Variants in CIZ1 observed in about 807,000 individuals in gnomAD.
The protein encoded by CIZ1 is cip1-interacting zinc finger protein.
CIZ1 carries 58 observed loss-of-function variants against 118.6 expected under a neutral mutation model. The observed-to-expected ratio is 0.49, with a 90% CI of 0.40 to 0.61. CIZ1 has a LOEUF of 0.61. Among genes scored for constraint, CIZ1 ranks in the 20% least tolerant of loss-of-function variants. The pLI is 0.00. For synonymous variants in CIZ1, 448 were observed against 443.4 expected, an observed-to-expected ratio of 1.01 and a Z score of -0.13; for missense variants, 921 against 1,115.9, an observed-to-expected ratio of 0.83 and a Z score of 2.49.
In CIZ1 at chr9:128,203,198, G is replaced by C. The variant is rs1357223975; in HGVS notation, c.-6+988C>G. Among the ~76,000 whole-genome samples, 1 of 152,110 alleles carries C rather than the reference G, an allele frequency of 6.6e-6. No homozygotes were observed. Among genetic ancestry groups the C allele is most frequent in the African/African-American group, 2.4e-5 (1 of 41,444 alleles). On this transcript the variant is annotated intron_variant, in intron 1 of 17. Transcript: ENST00000372948. The surrounding 1 kb of genome is among the most constrained non-coding windows in gnomAD (Gnocchi z 5.3). ...CAAATATATTCTGCGCAGCATCCGC[G>C]CACCCCAGACACTGCTAAAGCACCC...
Position 128,190,671 on chromosome 9 carries a change from C to A in CIZ1, c.170+17G>T. The A allele has an allele frequency of 6.5e-7, 1 of 1,549,092 alleles. No homozygotes were observed. The highest frequency in any genetic ancestry group is 1.4e-5 in the African/African-American group (1 of 73,390). The stretch of plus-strand genomic sequence containing the variant: ...AGTAGCAAGGCTGAAGCCATCGCGC[C>A]CGAGAGGGGAACTCACCGGCTGACA... On this transcript the variant is annotated intron_variant, in intron 2 of 16. Transcript: ENST00000372938.
Position 128,169,118 on chromosome 9 carries a change from A to T in CIZ1, c.2229T>A (p.Asp743Glu). The stretch of plus-strand genomic sequence containing the variant: ...CCTCATCATCCTCTTCCTCTTCTTC[A>T]TCACCCTCGAAGCAACCCACAGCGT... ...TVDAVGCFEG[D>E]EEEEEDDEDE... Residue 743 changes from aspartate to glutamate, a missense_variant, in exon 14 of 17, where the codon GAT becomes GAA. Coordinates refer to ENST00000372938, the MANE Select transcript of CIZ1 (RefSeq NM_001131016.2). The T allele has an allele frequency of 6.2e-7, 1 of 1,613,974 alleles. No homozygotes were observed. Among genetic ancestry groups the T allele is most frequent in the Non-Finnish European group, 8.5e-7 (1 of 1,179,962 alleles).
intron 3 of CIZ1, among the ~76,000 whole-genome samples, chr9:128,188,141 A>G (rs1324044356): frequency 5.5e-5 from 8 of 145,526 alleles, no homozygotes; most frequent in Non-Finnish European, 1.2e-4. Flanking sequence ...GGAAAGAGCC[A>G]AACAGCTAAG....
chr9:128,180,306 G>A (rs1177535867), intron 7 of CIZ1, 109 bp downstream of exon 7: 2 of 782,258 alleles, frequency 2.6e-6, no homozygotes, highest in Non-Finnish European at 4.3e-6. Context: ...CCCTTTCCTT[G>A]CTCCAGCTCC....
At chr9:128,186,163 T>C (rs1356954283) in intron 4 of CIZ1, among the ~76,000 whole-genome samples, 1 of 151,928 alleles carries the variant, frequency 6.6e-6, no homozygotes, top group African/African-American at 2.4e-5. Context: ...CCCTACCAGC[T>C]ACCCTTTATC....
At chr9:128,202,695 CCT>C (rs1340846932) in intron 1 of CIZ1, 2 of 152,134 alleles carry the variant, frequency 1.3e-5, no homozygotes, top group Admixed American at 6.6e-5. Context: ...CTTTTTTCAC[CCT>C]GTTTATTTCC....
chr9:128,176,373 C>G lies in CIZ1; in HGVS notation c.1921G>C (p.Asp641His). The change falls in exon 11 of 17, where the codon GAC (aspartate) becomes CAC (histidine). Residue 641 changes from aspartate (D) to histidine (H), a missense_variant. Transcript: ENST00000372938. ...CLLSLLPVPR[D>H]VLETEDEEPP... Reference sequence around the variant, plus strand: ...CACTCATCCTCTGTCTCCAGGACGTCCCGGGGCACGGGCAGCAGGGACAGG... The same window carrying G: ...CACTCATCCTCTGTCTCCAGGACGTGCCGGGGCACGGGCAGCAGGGACAGG... The G allele has an allele frequency of 1.2e-6, 2 of 1,614,078 alleles. No individual in the cohort carries two copies. The highest frequency in any genetic ancestry group is 1.7e-6 in the Non-Finnish European group (2 of 1,179,972).
At position 128,169,151 on chromosome 9, in the gene CIZ1, A is replaced by G. The variant is rs1829810401; in HGVS notation, c.2196T>C (p.Ile732=). 6.2e-7 allele frequency: 1 copy of G among 1,614,074 alleles called. No homozygotes were observed. The highest frequency in any genetic ancestry group is 8.5e-7 in the Non-Finnish European group (1 of 1,180,018). The change falls in exon 14 of 17, where the codon ATT becomes ATC. Residue 732 remains isoleucine, a synonymous_variant. Coordinates refer to ENST00000372938, the MANE Select transcript of CIZ1 (RefSeq NM_001131016.2). ...EIAGQDEDHF[I]TVDAVGCFEG... Reference sequence around the variant, plus strand: ...CGAAGCAACCCACAGCGTCCACTGTAATGAAGTGGTCCTCATCTTGGCCAG... The same window carrying G: ...CGAAGCAACCCACAGCGTCCACTGTGATGAAGTGGTCCTCATCTTGGCCAG...
chr9:128,196,602 C>CTATT (rs1437496966), upstream of CIZ1, among the ~76,000 whole-genome samples: 1 of 150,732 alleles, frequency 6.6e-6, no homozygotes, highest in African/African-American at 2.4e-5. Context: ...GTGAATGTCT[C>CTATT]TATTATTTAT....
At chr9:128,194,343 C>G (rs950020456), upstream of CIZ1, among the ~76,000 whole-genome samples, 3 of 87,182 alleles carry the variant, frequency 3.4e-5, no homozygotes, top group African/African-American at 1.5e-4. Flanking sequence ...GCCTGGGTGA[C>G]AAGAGCAAAA....
intron 1 of CIZ1, among the ~76,000 whole-genome samples, chr9:128,202,135 C>T (rs1170925009): frequency 6.6e-6 from 1 of 152,198 alleles, no homozygotes; most frequent in Non-Finnish European, 1.5e-5. Context: ...TAGCATAGTA[C>T]CTGGCTCAAC....
At chr9:128,200,998 G>A (rs1226555459) in intron 1 of CIZ1, among the ~76,000 whole-genome samples, 1 of 152,048 alleles carries the variant, frequency 6.6e-6, no homozygotes, top group Non-Finnish European at 1.5e-5. Context: ...GCCGGGCGCA[G>A]TGGTTCACAC....
At chr9:128,182,246 C>T (rs1275582646) in intron 5 of CIZ1, among the ~76,000 whole-genome samples, 1 of 152,144 alleles carries the variant, frequency 6.6e-6, no homozygotes, top group Non-Finnish European at 1.5e-5. Context: ...AGTGGTCCCC[C>T]GGGCCCAGCT....
chr9:128,199,462 A>G (rs1363570168), intron 1 of CIZ1, among the ~76,000 whole-genome samples: 1 of 151,998 alleles, frequency 6.6e-6, no homozygotes, highest in African/African-American at 2.4e-5. Flanking sequence ...GCACTTTGGG[A>G]GGCCAAAACA....
At chr9:128,167,012 A>G in intron 15 of CIZ1, 83 bp downstream of exon 15, 1 of 1,577,902 alleles carries the variant, frequency 6.3e-7, no homozygotes, top group African/African-American at 1.3e-5. Context: ...CCAGAATGCC[A>G]TGGCTGGGAT....
intron 11 of CIZ1, 47 bp from the exon 12 acceptor site, chr9:128,170,154 A>G (rs771929947): frequency 5.9e-6 from 9 of 1,538,208 alleles, no homozygotes; most frequent in South Asian, 2.2e-5. Context: ...CCAGAAAGAC[A>G]GCAGCTGTCT....
At chr9:128,195,293 G>A (rs538330919), upstream of CIZ1, among the ~76,000 whole-genome samples, 179 of 152,224 alleles carry the variant, frequency 1.2e-3, 1 homozygote, top group Middle Eastern at 6.8e-3. Context: ...TAAAATGCAT[G>A]CACATTACCA....
Position 128,167,084 on chromosome 9 carries a change from T to C in CIZ1, c.2365+11A>G. 6.3e-7 allele frequency: 1 copy of C among 1,593,488 alleles called. No homozygotes were observed. The highest frequency in any genetic ancestry group is 2.3e-5 in the East Asian group (1 of 44,430). ...AAGCTCCTGCAGGTGGGCTCAGAGC[T>C]GGGGCCTTACCATATGCAGTATTGG... On this transcript the variant is annotated intron_variant, in intron 15 of 16. Transcript: ENST00000372938.
intron 1 of CIZ1, chr9:128,196,915 T>C (rs1221236349): frequency 1.3e-5 from 2 of 152,276 alleles, no homozygotes; most frequent in African/African-American, 4.8e-5. Context: ...AATGTCTCTA[T>C]TTATTCAAGC....
Sources: gnomAD v4.1 joint callset for allele counts (sites outside exome capture counted in the v4.1 genomes callset) on GRCh38, gnomAD v4.1.1 for gene constraint, Gnocchi (gnomAD v3.1) non-coding constraint, MANE v1.5 for transcripts, NCBI Gene and HGNC (gene_info 2026-07-23, HGNC 2026-07-21) for gene names.